The following MPP4 variants were observed in gnomAD, a reference collection of about 807,000 sequenced individuals.
MPP4 encodes MAGUK p55 scaffold protein 4.
Under a neutral mutation model 98.3 loss-of-function variants are expected in MPP4, and 91 were observed. The observed-to-expected ratio is 0.93, with a 90% CI of 0.78 to 1.10. The LOEUF (loss-of-function observed/expected upper bound fraction) is 1.10. MPP4 is among the 50% of genes least tolerant of loss of function. The pLI is 0.00. For missense variants in MPP4, 744 were observed against 792.9 expected (o/e 0.94, Z 0.74); for synonymous variants, 261 against 271.8 (o/e 0.96, Z 0.39).
At chr2:201,650,240 T>C (rs1687679425) in intron 18 of MPP4, 75 bp from the exon 19 acceptor site, 1 of 1,493,882 alleles carries the variant, frequency 6.7e-7, no homozygotes, top group Non-Finnish European at 8.9e-7. Context: ...TGAATAAAGA[T>C]ATCTAATCAA....
At chr2:201,648,672 C>T (rs555594093) in intron 20 of MPP4, among the ~76,000 whole-genome samples, 1 of 152,310 alleles carries the variant, frequency 6.6e-6, no homozygotes, top group Admixed American at 6.5e-5. Context: ...TTCACCTTCA[C>T]TTCCCTTTCC....
intron 5 of MPP4, 42 bp from the exon 6 acceptor site, chr2:201,686,092 G>A: frequency 6.2e-7 from 1 of 1,601,508 alleles, no homozygotes; most frequent in Non-Finnish European, 8.5e-7. Flanking sequence ...GTCACACATG[G>A]GCCAAACCCC....
intron 11 of MPP4, among the ~76,000 whole-genome samples, chr2:201,674,166 G>A (rs1163502593): frequency 6.6e-6 from 1 of 152,228 alleles, no homozygotes; most frequent in Non-Finnish European, 1.5e-5. Context: ...TGAAGGTTAA[G>A]TCCTCTAAGT....
intron 3 of MPP4, 144 bp from the exon 4 acceptor site, chr2:201,690,423 T>G (rs1231528251): frequency 1.9e-6 from 1 of 513,132 alleles, no homozygotes; most frequent in Non-Finnish European, 3.5e-6. Flanking sequence ...TAGTAAGTTG[T>G]GTCTCTAGTT....
At chr2:201,662,413 A>G (rs1688053773) in intron 14 of MPP4, among the ~76,000 whole-genome samples, 1 of 148,620 alleles carries the variant, frequency 6.7e-6, no homozygotes, top group South Asian at 2.1e-4. Flanking sequence ...AGGCACAAGA[A>G]TCACTTGAGC....
chr2:201,694,157 C>G (rs1456384246), intron 1 of MPP4, 103 bp from the exon 2 acceptor site: 2 of 1,120,294 alleles, frequency 1.8e-6, no homozygotes, highest in Non-Finnish European at 2.4e-6. Flanking sequence ...GGTGCCTACT[C>G]TTAACCATCA....
intron 10 of MPP4, among the ~76,000 whole-genome samples, chr2:201,677,859 G>C (rs928259906): frequency 3.9e-5 from 6 of 152,198 alleles, no homozygotes; most frequent in African/African-American, 1.4e-4. Flanking sequence ...TTGAGGCTCA[G>C]AGATACTGAC....
In MPP4 at chr2:201,645,356, G is replaced by A. The variant is rs1687531592; in HGVS notation, c.1768C>T (p.Gln590Ter). The change falls in exon 22 of 22, where the codon CAG becomes TAG. Residue 590 changes from glutamine to a stop codon, truncating the protein, a stop_gained. Coordinates refer to ENST00000409474, the MANE Select transcript of MPP4 (RefSeq NM_033066.3). LOFTEE classifies it high-confidence loss of function. Reference protein sequence around the residue: ...MENLAQRMETQFGQFFDHVIV... With the variant: ...MENLAQRMET ...ACATGATCAAAAAATTGGCCAAACT[G>A]AGTTTCCATTCTTTGGGCTAAATTT... is the stretch of plus-strand genomic sequence containing the variant. 1 of 1,613,862 alleles carries A rather than the reference G, an allele frequency of 6.2e-7. No individual in the cohort carries two copies. The highest frequency in any genetic ancestry group is 1.3e-5 in the African/African-American group (1 of 74,918).
chr2:201,693,880 C>T lies in MPP4; in HGVS notation c.75G>A (p.Gln25=), dbSNP rs1193681072. Residue 25 remains glutamine, a synonymous_variant, in exon 2 of 22, where the codon CAG becomes CAA. Coordinates refer to ENST00000409474, the MANE Select transcript of MPP4 (RefSeq NM_033066.3). ...DMKLSTATNP[Q]NGLSQILRLV... Reference sequence around the variant, plus strand: ...AGGAGTCCTGGTGACACATACCATTCTGTGGATTGGTGGCTGTAGAAAGCT... The same window carrying T: ...AGGAGTCCTGGTGACACATACCATTTTGTGGATTGGTGGCTGTAGAAAGCT... 5 of 1,613,976 alleles carry T rather than the reference C, an allele frequency of 3.1e-6. No individual in the cohort carries two copies. The highest frequency in any genetic ancestry group is 1.1e-5 in the South Asian group (1 of 91,076).
chr2:201,694,608 C>CTTTTTTTTTTTTTTTTTTTT (rs777556505), intron 1 of MPP4, among the ~76,000 whole-genome samples: 1 of 78,870 alleles, frequency 1.3e-5, no homozygotes, highest in African/African-American at 5.2e-5. Context: ...TTCTTTTTCC[C>CTTTTTTTTTTTTTTTTTTTT]TTTTTTTTTT....
Position 201,694,010 on chromosome 2 carries a change from G to T in MPP4, c.-56C>A. The T allele has an allele frequency of 1.2e-6, 2 of 1,613,412 alleles. No individual in the cohort carries two copies. Among genetic ancestry groups the T allele is most frequent in the Non-Finnish European group, 1.7e-6 (2 of 1,179,636 alleles). ...AGGACTAGGAAGCGGGTCAATACACGGCACACAGCTCACTCAGTCCCACTG... is the reference window on the plus strand; with the variant it reads ...AGGACTAGGAAGCGGGTCAATACACTGCACACAGCTCACTCAGTCCCACTG... On this transcript the variant is annotated 5_prime_UTR_variant, in exon 2 of 22. Transcript: ENST00000409474.
chr2:201,667,579 G>A (rs556351152), intron 12 of MPP4, among the ~76,000 whole-genome samples: 1 of 152,206 alleles, frequency 6.6e-6, no homozygotes, highest in East Asian at 1.9e-4. Flanking sequence ...TATCAAAATT[G>A]TTGATTTGAA....
intron 8 of MPP4, 110 bp downstream of exon 8, chr2:201,682,721 G>C (rs1250822556): frequency 1.2e-6 from 1 of 867,372 alleles, no homozygotes; most frequent in East Asian, 2.6e-5. Context: ...AAGCTGCCAA[G>C]AGAACTTGAG....
intron 11 of MPP4, among the ~76,000 whole-genome samples, chr2:201,674,594 G>T (rs1388968839): frequency 1.3e-5 from 2 of 152,158 alleles, no homozygotes; most frequent in Non-Finnish European, 2.9e-5. Context: ...AGCTCCTCTT[G>T]CTTTTAGCTT....
intron 6 of MPP4, among the ~76,000 whole-genome samples, chr2:201,685,697 T>C (rs991054937): frequency 2.7e-4 from 41 of 152,208 alleles, no homozygotes; most frequent in Non-Finnish European, 8.8e-5. Context: ...ATCTTACTTT[T>C]CACAAAAGAA....
Position 201,649,567 on chromosome 2 carries a change from TG to T in MPP4, c.1584+8del, listed in dbSNP as rs775925773. The T allele has an allele frequency of 6.3e-7, 1 of 1,584,050 alleles. No individual in the cohort carries two copies. The highest frequency in any genetic ancestry group is 1.8e-5 in the Admixed American group (1 of 55,944). Reference sequence around the variant, plus strand: ...GTTTGGGGACATAAATATTCCACCATGGACCCACCTGAGGCTCTAGGTCCAT... The same window carrying T: ...GTTTGGGGACATAAATATTCCACCATGACCCACCTGAGGCTCTAGGTCCAT... On this transcript the variant is annotated splice_region_variant and intron_variant, in intron 20 of 21. Coordinates refer to ENST00000409474, the MANE Select transcript of MPP4 (RefSeq NM_033066.3).
chr2:201,681,076 T>C, intron 9 of MPP4, 42 bp from the exon 10 acceptor site: 3 of 1,584,094 alleles, frequency 1.9e-6, no homozygotes, highest in East Asian at 2.3e-5. Context: ...AGGTGCCTAA[T>C]GGTGCCATCC....
intron 13 of MPP4, 140 bp from the exon 14 acceptor site, chr2:201,664,241 C>A: frequency 6.7e-7 from 1 of 1,487,974 alleles, no homozygotes; most frequent in South Asian, 1.2e-5. Flanking sequence ...AAATCAAGGT[C>A]GAATCGATGG....
chr2:201,645,338 CA>C lies in MPP4; in HGVS notation c.1785del (p.Phe595LeufsTer4). 2 of 1,613,908 alleles carry C rather than the reference CA, an allele frequency of 1.2e-6. No homozygotes were observed. The highest frequency in any genetic ancestry group is 1.7e-6 in the Non-Finnish European group (2 of 1,179,854). On this transcript the variant is annotated frameshift_variant, in exon 22 of 22. Transcript: ENST00000409474. LOFTEE classifies it high-confidence loss of function. ...QRMETQFGQF[F>X]DHVIVNDSLH... Reference sequence around the variant, plus strand: ...AAGCTGTCATTCACAATCACATGATCAAAAAATTGGCCAAACTGAGTTTCCA... The same window carrying C: ...AAGCTGTCATTCACAATCACATGATCAAAAATTGGCCAAACTGAGTTTCCA...
Sources: gnomAD v4.1 joint callset for allele counts (sites outside exome capture counted in the v4.1 genomes callset) on GRCh38, gnomAD v4.1.1 for gene constraint, MANE v1.5 for transcripts, NCBI Gene and HGNC (gene_info 2026-07-23, HGNC 2026-07-21) for gene names.